Variants in C1QTNF7 observed in about 807,000 individuals in gnomAD.
C1QTNF7 encodes the protein C1q and TNF related 7, also known as complement C1q tumor necrosis factor-related protein 7.
C1QTNF7 carries 15 observed loss-of-function variants against 19.6 expected under a neutral mutation model. The ratio of observed to expected loss-of-function variants is 0.76; its 90% CI spans 0.51 to 1.18. C1QTNF7 has a LOEUF of 1.18. Among genes scored for constraint, C1QTNF7 ranks in the 50% most tolerant of loss-of-function variants. The probability of loss-of-function intolerance (pLI) is 0.00; values close to 1 mark genes in which losing one functional copy is unlikely to be tolerated. For missense variants in C1QTNF7, 324 were observed against 359.7 expected (o/e 0.90, Z 0.80); for synonymous variants, 142 against 137.5 (o/e 1.03, Z -0.23).
At chr4:15,418,041 G>A (rs772802980) in intron 1 of C1QTNF7, among the ~76,000 whole-genome samples, 12 of 152,158 alleles carry the variant, frequency 7.9e-5, no homozygotes, top group Non-Finnish European at 1.8e-4. Flanking sequence ...GAGAAGGTTC[G>A]TCAGGATGAG....
At chr4:15,344,218 C>T (rs779034413) in intron 1 of C1QTNF7, among the ~76,000 whole-genome samples, 8 of 152,184 alleles carry the variant, frequency 5.3e-5, no homozygotes, top group Non-Finnish European at 8.8e-5. Flanking sequence ...CACAGAAAGC[C>T]TTGAATGCCA....
intron 1 of C1QTNF7, among the ~76,000 whole-genome samples, chr4:15,346,332 TATTAATTGGTTCTA>T (rs1716717688): frequency 1.3e-5 from 2 of 152,322 alleles, no homozygotes; most frequent in South Asian, 4.1e-4. Flanking sequence ...ATTAATGAAT[TATTAATTGGTTCTA>T]ATTAATTAAG....
chr4:15,384,276 G>A (rs4543110), intron 1 of C1QTNF7, among the ~76,000 whole-genome samples: 94,243 of 152,056 alleles, frequency 0.62, 30,567 homozygotes, highest in East Asian at 0.89. Flanking sequence ...TAGAAAGGAA[G>A]TATATATTCA....
At chr4:15,356,112 TTATTA>T (rs1242459413) in intron 1 of C1QTNF7, among the ~76,000 whole-genome samples, 2 of 152,060 alleles carry the variant, frequency 1.3e-5, no homozygotes, top group African/African-American at 4.8e-5. Flanking sequence ...CTTTTTTTTA[TTATTA>T]TATTTTAAGT....
At chr4:15,419,962 C>G (rs1711671838) in intron 1 of C1QTNF7, 2 of 152,144 alleles carry the variant, frequency 1.3e-5, no homozygotes, top group South Asian at 4.1e-4. Flanking sequence ...ATTTTTGCTG[C>G]CTCCCATCCT....
intron 1 of C1QTNF7, among the ~76,000 whole-genome samples, chr4:15,420,938 T>A (rs1355285795): frequency 2.0e-5 from 3 of 148,294 alleles, no homozygotes; most frequent in African/African-American, 7.5e-5. Flanking sequence ...TGTGATGGAG[T>A]CTGCTGAGGA....
At chr4:15,356,101 TC>T (rs1717136506) in intron 1 of C1QTNF7, among the ~76,000 whole-genome samples, 1 of 152,062 alleles carries the variant, frequency 6.6e-6, no homozygotes, top group African/African-American at 2.4e-5. Flanking sequence ...TTTTTCAGTT[TC>T]TTTTTTTTAT....
At chr4:15,389,522 C>T (rs1161859029) in intron 1 of C1QTNF7, among the ~76,000 whole-genome samples, 3 of 152,146 alleles carry the variant, frequency 2.0e-5, no homozygotes, top group Non-Finnish European at 2.9e-5. Context: ...CAGGTTCAAG[C>T]GATTCTCCTG....
chr4:15,340,131 C>T (rs1716488132), exon 1 of C1QTNF7: 1 of 1,528,844 alleles, frequency 6.5e-7, no homozygotes, highest in Non-Finnish European at 8.9e-7. Flanking sequence ...TAATAGTTAA[C>T]TACATTCATG....
At chr4:15,413,785 T>A (rs1484558284) in intron 1 of C1QTNF7, among the ~76,000 whole-genome samples, 1 of 152,212 alleles carries the variant, frequency 6.6e-6, no homozygotes, top group African/African-American at 2.4e-5. Context: ...TCAGAGAGAC[T>A]GACTGATTGC....
chr4:15,343,542 T>C (rs2109279210), intron 1 of C1QTNF7, among the ~76,000 whole-genome samples: 1 of 152,286 alleles, frequency 6.6e-6, no homozygotes, highest in Non-Finnish European at 1.5e-5. Context: ...TTGCCTAAGT[T>C]TGAGGACCTA....
In C1QTNF7 at chr4:15,373,486, A is replaced by C. The variant is rs376019337; in HGVS notation, c.13+33279A>C. Among the ~76,000 whole-genome samples, 208 of 152,336 alleles carry C rather than the reference A, an allele frequency of 1.4e-3. 2 individuals are homozygous for C. In the Middle Eastern group the frequency reaches 0.017, roughly 12 times the overall value. On this transcript the variant is annotated intron_variant, in intron 1 of 2. Coordinates refer to the C1QTNF7 transcript ENST00000295297. ...TTCAAAGCCTAAAACATTGCAAAGC[A>C]CTATCTTGATAAACACCTCATTTGA...
intron 1 of C1QTNF7, chr4:15,362,506 A>G (rs1717379121): frequency 6.6e-6 from 1 of 152,214 alleles, no homozygotes; most frequent in Non-Finnish European, 1.5e-5. Context: ...TCTTCAGAGC[A>G]TTTGTGTAGC....
chr4:15,340,349 G>A, intron 1 of C1QTNF7: 1 of 1,135,872 alleles, frequency 8.8e-7, no homozygotes, highest in South Asian at 1.4e-5. Flanking sequence ...TGATAAATCA[G>A]AGGTTAGAAA....
upstream of C1QTNF7, among the ~76,000 whole-genome samples, chr4:15,427,103 A>G (rs538767036): frequency 4.4e-4 from 67 of 152,258 alleles, 1 homozygote; most frequent in South Asian, 0.013. Flanking sequence ...TGGATCCCAA[A>G]GGCAAAATTA....
intron 1 of C1QTNF7, among the ~76,000 whole-genome samples, chr4:15,372,372 G>C (rs766220558): frequency 1.4e-4 from 22 of 152,162 alleles, no homozygotes; most frequent in Non-Finnish European, 2.4e-4. Context: ...ACACAGAAGG[G>C]AGGCAGCCAT....
intron 1 of C1QTNF7, among the ~76,000 whole-genome samples, chr4:15,420,258 C>T (rs1711685204): frequency 6.6e-6 from 1 of 152,200 alleles, no homozygotes; most frequent in East Asian, 1.9e-4. Context: ...GAAAAAACTA[C>T]TTATTCCATC....
At chr4:15,344,569 T>C (rs1416897137) in intron 1 of C1QTNF7, among the ~76,000 whole-genome samples, 1 of 152,208 alleles carries the variant, frequency 6.6e-6, no homozygotes, top group African/African-American at 2.4e-5. Context: ...GAGGGGCTAG[T>C]TGACCTCTGA....
chr4:15,368,697 G>A (rs1717616535), intron 1 of C1QTNF7, among the ~76,000 whole-genome samples: 2 of 152,202 alleles, frequency 1.3e-5, no homozygotes, highest in South Asian at 4.1e-4. Context: ...TAATTGATGG[G>A]CATTTGGGTA....
Sources: gnomAD v4.1 joint callset for allele counts (sites outside exome capture counted in the v4.1 genomes callset) on GRCh38, gnomAD v4.1.1 for gene constraint, MANE v1.5 for transcripts, NCBI Gene and HGNC (gene_info 2026-07-23, HGNC 2026-07-21) for gene names.